Variants in TLN2 observed in about 807,000 individuals in gnomAD.
The protein encoded by TLN2 is talin 2.
Under a neutral mutation model 294.7 loss-of-function variants are expected in TLN2, and 118 were observed. The observed-to-expected ratio is 0.40, with a 90% CI of 0.34 to 0.47. TLN2 has a LOEUF of 0.47. Ranked by LOEUF, TLN2 falls within the 20% of genes least tolerant of loss-of-function variation. The pLI is 0.84. For synonymous variants in TLN2, 1,431 were observed against 1,304.5 expected (o/e 1.10, Z -2.09); for missense variants, 3,083 against 3,282.2 (o/e 0.94, Z 1.48).
At position 62,795,061 on chromosome 15, in the gene TLN2, C is replaced by G. The variant is rs191844390; in HGVS notation, c.5884-1066C>G. Among the ~76,000 whole-genome samples the G allele has an allele frequency of 9.9e-5, 15 of 152,148 alleles. 1 individual carries two copies. The highest frequency in any genetic ancestry group is 4.1e-4 in the South Asian group (2 of 4,822). The stretch of plus-strand genomic sequence containing the variant: ...GCAAGAACGGTGTGCTGTGGCGTCC[C>G]GGGAGGCAGGGCTGTCTCTGGAAGA... On this transcript the variant is annotated intron_variant, in intron 46 of 58. Transcript: ENST00000636159.
rs2043705099 is a variant in TLN2 at position 62,569,705 on chromosome 15, CAG to C, written c.-237-19980_-237-19979del. 3.9e-5 allele frequency among the ~76,000 whole-genome samples: 6 copies of C among 152,306 alleles called. No individual in the cohort carries two copies. In the South Asian group the frequency reaches 1.2e-3, roughly 32 times the overall value. On this transcript the variant is annotated intron_variant, in intron 1 of 58. Coordinates refer to ENST00000636159, the MANE Select transcript of TLN2 (RefSeq NM_015059.3). The stretch of plus-strand genomic sequence containing the variant: ...GGTAAAGGGGAATGGCTGTGGAAAA[CAG>C]AAGTTGGGTAGCACGTGAGAGAAAT...
At chr15:62,762,538 A>G in intron 39 of TLN2, 85 bp downstream of exon 39, 1 of 1,415,888 alleles carries the variant, frequency 7.1e-7, no homozygotes. Flanking sequence ...TTTACTTAAT[A>G]GTGATATTGT....
chr15:62,521,341 C>G (rs2040446399), intron 1 of TLN2, among the ~76,000 whole-genome samples: 2 of 152,060 alleles, frequency 1.3e-5, no homozygotes, highest in African/African-American at 2.4e-5. Flanking sequence ...TGTTGTTAAC[C>G]AAAAAACCTA....
chr15:62,682,033 G>A (rs1422685573), intron 11 of TLN2, among the ~76,000 whole-genome samples: 2 of 152,150 alleles, frequency 1.3e-5, no homozygotes, highest in Admixed American at 1.3e-4. Context: ...GGGATTGCAG[G>A]CATGAGCCAC....
At chr15:62,683,145 G>C (rs2056978796) in intron 11 of TLN2, 1 of 152,304 alleles carries the variant, frequency 6.6e-6, no homozygotes, top group Admixed American at 6.5e-5. Flanking sequence ...GAGCTCAGCT[G>C]GATCATGGGG....
At chr15:62,587,566 G>A (rs2045711214) in intron 1 of TLN2, among the ~76,000 whole-genome samples, 2 of 152,108 alleles carry the variant, frequency 1.3e-5, no homozygotes, top group African/African-American at 4.8e-5. Flanking sequence ...CAATGTCTAT[G>A]TGGTTTACTC....
intron 2 of TLN2, among the ~76,000 whole-genome samples, chr15:62,615,957 A>G (rs1193194461): frequency 6.6e-6 from 1 of 151,874 alleles, no homozygotes; most frequent in Admixed American, 6.6e-5. Context: ...TTTTTTTTGT[A>G]TCTGTTTCCT....
In TLN2 at chr15:62,562,777, C is replaced by T. The variant is rs369694317; in HGVS notation, c.-237-26910C>T. On this transcript the variant is annotated intron_variant, in intron 1 of 58. Coordinates refer to ENST00000636159, the MANE Select transcript of TLN2 (RefSeq NM_015059.3). ...ATCTTTGTAGCTTAGCTCCCACTTA[C>T]GAGTGAGAATATATGATGTTTGGTT... 1.4e-3 allele frequency among the ~76,000 whole-genome samples: 214 copies of T among 152,106 alleles called. 2 individuals carry two copies. In the South Asian group the frequency reaches 0.018, roughly 13 times the overall value.
intron 12 of TLN2, among the ~76,000 whole-genome samples, chr15:62,687,492 T>C (rs1404708982): frequency 6.6e-6 from 1 of 152,272 alleles, no homozygotes; most frequent in Non-Finnish European, 1.5e-5. Context: ...TTCTTCCTCC[T>C]GATTTCAACA....
intron 1 of TLN2, among the ~76,000 whole-genome samples, chr15:62,588,362 G>T (rs114678343): frequency 4.0e-5 from 6 of 151,586 alleles, no homozygotes; most frequent in East Asian, 2.0e-4. Flanking sequence ...AAATAAGGGC[G>T]CAGCGGCTCA....
chr15:62,664,166 G>T (rs777012252), intron 9 of TLN2, among the ~76,000 whole-genome samples: 5 of 151,518 alleles, frequency 3.3e-5, no homozygotes, highest in Non-Finnish European at 5.9e-5. Flanking sequence ...ACTGGAAAAA[G>T]AAATTTGCAT....
intron 32 of TLN2, among the ~76,000 whole-genome samples, chr15:62,746,451 A>C (rs1245138702): frequency 6.6e-6 from 1 of 152,200 alleles, no homozygotes; most frequent in East Asian, 1.9e-4. Context: ...CACCCTAATT[A>C]AATAGTGGTC....
At chr15:62,409,286 A>G (rs2033622969) in intron 1 of TLN2, among the ~76,000 whole-genome samples, 1 of 152,132 alleles carries the variant, frequency 6.6e-6, no homozygotes, top group Non-Finnish European at 1.5e-5. Context: ...TTTATAATCA[A>G]AATATCCTTA....
At position 62,783,788 on chromosome 15, in the gene TLN2, T is replaced by A. The variant is rs144235392; in HGVS notation, c.5634T>A (p.Thr1878=). ...TTTTCCAGATGACTAAGTCGGTTAC[T>A]AACCCGGAGGAGTTGGGAGGACTGG... is the stretch of plus-strand genomic sequence containing the variant. ...TAQEMMTKSV[T]NPEELGGLAS... is the part of the protein sequence containing the mutation. Residue 1878 remains threonine (T), a synonymous_variant, in exon 45 of 59, where the codon ACT becomes ACA. Coordinates refer to ENST00000636159, the MANE Select transcript of TLN2 (RefSeq NM_015059.3). 31 of 1,604,586 alleles carry A rather than the reference T, an allele frequency of 1.9e-5. 1 individual carries two copies. The highest frequency in any genetic ancestry group is 1.3e-4 in the South Asian group (12 of 90,862).
At chr15:62,637,245 G>T (rs540746221) in intron 3 of TLN2, 5 of 151,840 alleles carry the variant, frequency 3.3e-5, no homozygotes, top group African/African-American at 1.2e-4. Context: ...CATTTCTATT[G>T]TATCCATTTT....
chr15:62,704,989 G>A (rs749241244), intron 19 of TLN2, among the ~76,000 whole-genome samples: 2 of 152,240 alleles, frequency 1.3e-5, no homozygotes, highest in Non-Finnish European at 2.9e-5. Context: ...AAGTGCCAAG[G>A]AAGGTTAAGG....
At chr15:62,404,548 TCTCGTC>T (rs2033261153) in intron 1 of TLN2, among the ~76,000 whole-genome samples, 1 of 152,204 alleles carries the variant, frequency 6.6e-6, no homozygotes, top group Non-Finnish European at 1.5e-5. Flanking sequence ...CCCAAAGCAT[TCTCGTC>T]CTGTGTTTAA....
chr15:62,713,271 CAA>C (rs541064329), intron 22 of TLN2, among the ~76,000 whole-genome samples: 2 of 111,520 alleles, frequency 1.8e-5, no homozygotes, highest in Admixed American at 1.0e-4. Context: ...ACCTGCGTCT[CAA>C]AAAAAAAAAA....
At chr15:62,561,564 G>T (rs911345481) in intron 1 of TLN2, 1 of 152,290 alleles carries the variant, frequency 6.6e-6, no homozygotes, top group African/African-American at 2.4e-5. Flanking sequence ...TGAACAGAAA[G>T]CTAGTGCAGG....
Sources: gnomAD v4.1 joint callset for allele counts (sites outside exome capture counted in the v4.1 genomes callset) on GRCh38, gnomAD v4.1.1 for gene constraint, MANE v1.5 for transcripts, NCBI Gene and HGNC (gene_info 2026-07-23, HGNC 2026-07-21) for gene names.